Variants in RPAP3 observed in about 807,000 individuals in gnomAD.
RPAP3 encodes the protein RNA polymerase II associated protein 3, also known as RNA polymerase II-associated protein 3.
In RPAP3, 58 loss-of-function variants were observed where a neutral mutation model predicts 88.8. That is an observed-to-expected ratio of 0.65 (90% CI 0.53 to 0.81). The LOEUF is 0.81. Ranked by LOEUF, RPAP3 falls within the 40% of genes least tolerant of loss-of-function variation. RPAP3 has a pLI of 0.00. For missense variants in RPAP3, 751 were observed against 764.3 expected (o/e 0.98, Z 0.20); for synonymous variants, 255 against 259.9 (o/e 0.98, Z 0.18).
chr12:47,690,595 T>C lies in RPAP3; in HGVS notation c.590A>G (p.Asn197Ser), dbSNP rs1171918577. The change falls in exon 6 of 17, where the codon AAT becomes AGT. Residue 197 changes from asparagine to serine, a missense_variant. Transcript: ENST00000005386. ...ESDCNLAVAL[N>S]RSYTKAYSRR... Reference sequence around the variant, plus strand: ...GGAATAAGCCTTTGTATAACTTCTATTCAAGGCAACTGCTAAATTACAATC... The same window carrying C: ...GGAATAAGCCTTTGTATAACTTCTACTCAAGGCAACTGCTAAATTACAATC... 1 of 1,589,176 alleles carries C rather than the reference T, an allele frequency of 6.3e-7. No homozygotes were observed. The highest frequency in any genetic ancestry group is 8.6e-7 in the Non-Finnish European group (1 of 1,165,504).
chr12:47,670,209 G>A lies in RPAP3; in HGVS notation c.1424C>T (p.Thr475Ile), dbSNP rs763469006. 6 of 1,613,850 alleles carry A rather than the reference G, an allele frequency of 3.7e-6. No homozygotes were observed. In the South Asian group the frequency reaches 4.4e-5, roughly 12 times the overall value. Reference sequence around the variant, plus strand: ...ATCTTGGCTTGAATTCTTCTTACTTGTGGTGCCTGTGGCTGCTATTACATT... The same window carrying A: ...ATCTTGGCTTGAATTCTTCTTACTTATGGTGCCTGTGGCTGCTATTACATT... ...LANVIAATGT[T>I]SKKNSSQDDL... The change falls in exon 13 of 17, where the codon ACA becomes ATA. Residue 475 changes from threonine (T) to isoleucine (I), a missense_variant. Thr to Ile is a moderately conservative substitution (Grantham distance 89, BLOSUM62 -1). Coordinates refer to ENST00000005386, the MANE Select transcript of RPAP3 (RefSeq NM_024604.3).
chr12:47,698,792 G>A (rs1387529637), intron 3 of RPAP3, among the ~76,000 whole-genome samples: 4 of 152,134 alleles, frequency 2.6e-5, no homozygotes, highest in Non-Finnish European at 4.4e-5. Flanking sequence ...GATTACAGGC[G>A]TAAGCCACCG....
At position 47,670,327 on chromosome 12, in the gene RPAP3, T is replaced by C; in HGVS notation, c.1306A>G (p.Ile436Val). 1 of 1,596,672 alleles carries C rather than the reference T, an allele frequency of 6.3e-7. No individual in the cohort carries two copies. Among genetic ancestry groups the C allele is most frequent in the Non-Finnish European group, 8.6e-7 (1 of 1,165,790 alleles). The change falls in exon 13 of 17, where the codon ATT becomes GTT. Residue 436 changes from isoleucine (I) to valine (V), a missense_variant. By Grantham distance (29) the Ile-to-Val change is conservative (BLOSUM62 3). Coordinates refer to ENST00000005386, the MANE Select transcript of RPAP3 (RefSeq NM_024604.3). ...PGSTKPLKKV[I>V]IEETGNLIQT... ...ATCAAATTACCAGTTTCTTCAATAA[T>C]AACCTTCTTGAGTGGTTTCTAAAAC...
intron 9 of RPAP3, 56 bp from the exon 10 acceptor site, chr12:47,681,873 C>A: frequency 6.8e-7 from 1 of 1,480,454 alleles, no homozygotes; most frequent in Non-Finnish European, 9.0e-7. Flanking sequence ...GGAAAAATGT[C>A]ATATAAACTA....
In RPAP3 at chr12:47,688,017, G is replaced by A. The variant is rs759729173; in HGVS notation, c.739-16C>T. 14 of 1,593,258 alleles carry A rather than the reference G, an allele frequency of 8.8e-6. No individual in the cohort carries two copies. Among genetic ancestry groups the A allele is most frequent in the East Asian group, 2.3e-5 (1 of 43,678 alleles). ...ATGCTAAAGCCTAGGAGACATAGCAGTCAGCTAAAATAAAACAAAGTAATG... is the reference window on the plus strand; with the variant it reads ...ATGCTAAAGCCTAGGAGACATAGCAATCAGCTAAAATAAAACAAAGTAATG... On this transcript the variant is annotated splice_polypyrimidine_tract_variant and intron_variant, in intron 7 of 16. Coordinates refer to ENST00000005386, the MANE Select transcript of RPAP3 (RefSeq NM_024604.3).
Position 47,690,501 on chromosome 12 carries a change from G to C in RPAP3, c.667+17C>G. On this transcript the variant is annotated intron_variant, in intron 6 of 16. Coordinates refer to ENST00000005386, the MANE Select transcript of RPAP3 (RefSeq NM_024604.3). ...TAACACTGTTAAAGAATTCTTTAGAGAGTGACTAGAAAATACCTTTTTTGG... is the reference window on the plus strand; with the variant it reads ...TAACACTGTTAAAGAATTCTTTAGACAGTGACTAGAAAATACCTTTTTTGG... 6.3e-7 allele frequency: 1 copy of C among 1,585,098 alleles called. No individual in the cohort carries two copies. The highest frequency in any genetic ancestry group is 8.6e-7 in the Non-Finnish European group (1 of 1,166,162).
chr12:47,664,996 T>G (rs73102192), intron 16 of RPAP3, among the ~76,000 whole-genome samples: 18,545 of 151,910 alleles, frequency 0.12, 1,193 homozygotes, highest in South Asian at 0.22. Flanking sequence ...GAAAACCAAA[T>G]GAAGAAGCAC....
intron 9 of RPAP3, among the ~76,000 whole-genome samples, chr12:47,685,108 G>A (rs1446715032): frequency 1.3e-5 from 2 of 152,228 alleles, no homozygotes; most frequent in Admixed American, 6.5e-5. Context: ...GCCGGGCGCG[G>A]TGGCTCCTGC....
At chr12:47,694,701 A>G (rs948550855) in intron 5 of RPAP3, among the ~76,000 whole-genome samples, 14 of 149,354 alleles carry the variant, frequency 9.4e-5, no homozygotes, top group Non-Finnish European at 1.5e-4. Flanking sequence ...TTTCACAGGG[A>G]AAAAAAAGAA....
chr12:47,664,438 T>C (rs1482074590), intron 16 of RPAP3, among the ~76,000 whole-genome samples: 1 of 152,098 alleles, frequency 6.6e-6, no homozygotes, highest in Non-Finnish European at 1.5e-5. Flanking sequence ...AAAAAAATCA[T>C]ATTTACTACC....
At chr12:47,695,222 A>C (rs1438301726) in intron 5 of RPAP3, among the ~76,000 whole-genome samples, 1 of 152,152 alleles carries the variant, frequency 6.6e-6, no homozygotes, top group Non-Finnish European at 1.5e-5. Context: ...CTAAAAAGAA[A>C]TTATCCTATA....
intron 9 of RPAP3, among the ~76,000 whole-genome samples, chr12:47,684,420 G>GA (rs1304104423): frequency 6.6e-6 from 1 of 152,116 alleles, no homozygotes; most frequent in Non-Finnish European, 1.5e-5. Flanking sequence ...CAAGCTATAG[G>GA]ATGGTTACCT....
intron 16 of RPAP3, among the ~76,000 whole-genome samples, chr12:47,665,151 G>A (rs1489948138): frequency 6.6e-6 from 1 of 150,862 alleles, no homozygotes; most frequent in Non-Finnish European, 1.5e-5. Context: ...GGAGTGCAAT[G>A]GTGCAATCTC....
rs112619587 is a variant in RPAP3 at position 47,671,781 on chromosome 12, G to C, written c.1288-1436C>G. 6.9e-3 allele frequency among the ~76,000 whole-genome samples: 1,051 copies of C among 152,292 alleles called. 6 individuals carry two copies. The highest frequency in any genetic ancestry group is 0.023 in the African/African-American group (967 of 41,546). ...TTTCCTAATCATTGGTCTCTGTTAA[G>C]TGTAGACCCGGGGTACTGAGAGCCA... On this transcript the variant is annotated intron_variant, in intron 12 of 16. Transcript: ENST00000005386.
intron 12 of RPAP3, among the ~76,000 whole-genome samples, chr12:47,673,154 C>T (rs899964226): frequency 2.0e-5 from 3 of 151,970 alleles, no homozygotes; most frequent in Admixed American, 6.6e-5. Flanking sequence ...AGAATACGGT[C>T]GTAATAGGCC....
chr12:47,696,528 C>T (rs1367211351), intron 4 of RPAP3, 125 bp from the exon 5 acceptor site: 19 of 597,874 alleles, frequency 3.2e-5, no homozygotes, highest in Non-Finnish European at 5.1e-5. Context: ...CAATAGAAGT[C>T]TACACCAAGT....
intron 4 of RPAP3, among the ~76,000 whole-genome samples, chr12:47,696,742 C>A (rs769522140): frequency 6.6e-6 from 1 of 152,140 alleles, no homozygotes; most frequent in Non-Finnish European, 1.5e-5. Flanking sequence ...ATAACATTTT[C>A]TTTTCTCTAG....
At position 47,680,846 on chromosome 12, in the gene RPAP3, A is replaced by C. The variant is rs577140106; in HGVS notation, c.1114+850T>G. On this transcript the variant is annotated intron_variant, in intron 10 of 16. Transcript: ENST00000005386. ...ACCACAGCCCGAAGAGTTTTTTAAAAAAAAAAAATCAATCACTAACAGAAA... is the reference window on the plus strand; with the variant it reads ...ACCACAGCCCGAAGAGTTTTTTAAACAAAAAAAATCAATCACTAACAGAAA... Among the ~76,000 whole-genome samples the C allele has an allele frequency of 3.1e-4, 47 of 151,946 alleles. 1 individual carries two copies. Among genetic ancestry groups the C allele is most frequent in the African/African-American group, 1.1e-3 (46 of 41,444 alleles).
chr12:47,681,454 T>G (rs1939220435), intron 10 of RPAP3, among the ~76,000 whole-genome samples: 1 of 152,222 alleles, frequency 6.6e-6, no homozygotes, highest in African/African-American at 2.4e-5. Context: ...TCATTAATAT[T>G]GACTGGCAAT....
Sources: gnomAD v4.1 joint callset for allele counts (sites outside exome capture counted in the v4.1 genomes callset) on GRCh38, gnomAD v4.1.1 for gene constraint, MANE v1.5 for transcripts, NCBI Gene and HGNC (gene_info 2026-07-23, HGNC 2026-07-21) for gene names.